Variants in CDH12 observed in about 807,000 individuals in gnomAD.
The protein encoded by CDH12 is cadherin 12.
In CDH12, 41 loss-of-function variants were observed where a neutral mutation model predicts 74.1. The observed-to-expected ratio is 0.55, with a 90% CI of 0.43 to 0.72. The LOEUF is 0.72. Ranked by LOEUF, CDH12 falls within the 30% of genes least tolerant of loss-of-function variation. The pLI, the probability that CDH12 is intolerant of heterozygous loss-of-function variation, is 0.00. For missense variants in CDH12, 945 were observed against 977.2 expected (o/e 0.97, Z 0.44); for synonymous variants, 399 against 355.0 (o/e 1.12, Z -1.39).
intron 3 of CDH12, among the ~76,000 whole-genome samples, chr5:22,260,658 G>A (rs1184311736): frequency 4.6e-5 from 7 of 151,918 alleles, no homozygotes; most frequent in Admixed American, 2.0e-4. Flanking sequence ...TTAAATTTTC[G>A]GAGATTAGAT....
intron 1 of CDH12, among the ~76,000 whole-genome samples, chr5:22,737,766 A>G (rs537146657): frequency 1.3e-5 from 2 of 152,192 alleles, no homozygotes; most frequent in African/African-American, 4.8e-5. Context: ...TTTTGGTGGG[A>G]AACAGACATA....
chr5:22,528,592 T>A (rs1351431614), intron 1 of CDH12, among the ~76,000 whole-genome samples: 1 of 152,166 alleles, frequency 6.6e-6, no homozygotes, highest in Non-Finnish European at 1.5e-5. Context: ...AGCTTTCAGA[T>A]CATTTATGTG....
rs117952261 is a variant in CDH12, at chr5:22,536,572, A to T, written c.-522-31208T>A. ...TGCTAATAAGTGCTAATGTATTGCA[A>T]CACCCAATATCATAAATAACTTTGG... On this transcript the variant is annotated intron_variant, in intron 1 of 14. Transcript: ENST00000382254. Among the ~76,000 whole-genome samples the T allele has an allele frequency of 3.3e-4, 51 of 152,294 alleles. No individual in the cohort carries two copies. The East Asian group carries it at 5.8e-3, about 17-fold the overall frequency.
At chr5:22,257,431 T>C (rs1368124292) in intron 3 of CDH12, among the ~76,000 whole-genome samples, 1 of 151,914 alleles carries the variant, frequency 6.6e-6, no homozygotes, top group Non-Finnish European at 1.5e-5. Flanking sequence ...GTACAATGTG[T>C]TTGTTTTTTT....
chr5:22,792,086 C>CT (rs757562010), intron 1 of CDH12, among the ~76,000 whole-genome samples: 1,314 of 125,378 alleles, frequency 0.01, 16 homozygotes, highest in African/African-American at 0.028. Flanking sequence ...TGAACTAGGG[C>CT]TTTTTTTTTT....
At chr5:22,317,199 T>A (rs553528278) in intron 3 of CDH12, among the ~76,000 whole-genome samples, 1 of 152,018 alleles carries the variant, frequency 6.6e-6, no homozygotes, top group East Asian at 1.9e-4. Flanking sequence ...GCGCCTGTAA[T>A]CCTAGCTACT....
chr5:22,038,808 G>A lies in CDH12; in HGVS notation c.231+39638C>T, dbSNP rs531748766. Among the ~76,000 whole-genome samples, 50 of 152,186 alleles carry A rather than the reference G, an allele frequency of 3.3e-4. No homozygotes were observed. In the East Asian group the frequency reaches 9.3e-3, roughly 28 times the overall value. On this transcript the variant is annotated intron_variant, in intron 5 of 14. Transcript: ENST00000382254. ...TGTGCCTCGACTGAGCTGAGGAGTTGCACCTCCCAGGATCAAGTTGATGTG... is the reference window on the plus strand; with the variant it reads ...TGTGCCTCGACTGAGCTGAGGAGTTACACCTCCCAGGATCAAGTTGATGTG...
chr5:22,715,503 A>T (rs1161408586), intron 1 of CDH12, among the ~76,000 whole-genome samples: 4 of 152,216 alleles, frequency 2.6e-5, no homozygotes, highest in African/African-American at 9.6e-5. Flanking sequence ...GGTGATGAGT[A>T]CCTGTCTCAG....
At chr5:22,794,579 G>A (rs1025060850) in intron 1 of CDH12, among the ~76,000 whole-genome samples, 16 of 152,140 alleles carry the variant, frequency 1.1e-4, no homozygotes, top group South Asian at 6.2e-4. Flanking sequence ...ATTTTATTTC[G>A]TTTTAAATGC....
intron 5 of CDH12, among the ~76,000 whole-genome samples, chr5:22,022,467 G>T (rs987152588): frequency 9.9e-5 from 15 of 152,204 alleles, no homozygotes; most frequent in African/African-American, 3.6e-4. Flanking sequence ...TTGTGGAACT[G>T]TGAGTCAATT....
intron 6 of CDH12, among the ~76,000 whole-genome samples, chr5:21,899,085 T>A (rs1753264699): frequency 6.6e-6 from 1 of 152,224 alleles, no homozygotes; most frequent in South Asian, 2.1e-4. Flanking sequence ...TGTTCCCTCC[T>A]ACCTTTTCTG....
chr5:21,879,450 T>C (rs183386618), intron 6 of CDH12, among the ~76,000 whole-genome samples: 1 of 151,326 alleles, frequency 6.6e-6, no homozygotes, highest in African/African-American at 2.5e-5. Context: ...TTGTTACTTA[T>C]GGCAGTGAAA....
intron 1 of CDH12, among the ~76,000 whole-genome samples, chr5:22,632,515 A>G (rs1738639793): frequency 6.6e-6 from 1 of 152,194 alleles, no homozygotes; most frequent in African/African-American, 2.4e-5. Flanking sequence ...GGAATTAAGA[A>G]GAATAATAAT....
At chr5:22,791,224 C>G (rs952597707) in intron 1 of CDH12, among the ~76,000 whole-genome samples, 2 of 152,000 alleles carry the variant, frequency 1.3e-5, no homozygotes, top group African/African-American at 4.8e-5. Flanking sequence ...ATCTTCTTGC[C>G]CACTAGTCTT....
intron 1 of CDH12, among the ~76,000 whole-genome samples, chr5:22,710,415 G>A (rs1320854860): frequency 1.3e-5 from 2 of 152,110 alleles, no homozygotes; most frequent in African/African-American, 2.4e-5. Context: ...AAAAGTACAC[G>A]GCAGCTGGTG....
chr5:22,492,796 G>T (rs1350656592), intron 2 of CDH12, among the ~76,000 whole-genome samples: 1 of 152,012 alleles, frequency 6.6e-6, no homozygotes, highest in Non-Finnish European at 1.5e-5. Context: ...ACACACCTGT[G>T]TGGGAATAAG....
intron 1 of CDH12, among the ~76,000 whole-genome samples, chr5:22,802,186 A>T (rs1748565707): frequency 6.9e-6 from 1 of 145,768 alleles, no homozygotes; most frequent in Non-Finnish European, 1.5e-5. Flanking sequence ...CAGTGGCACG[A>T]TCCAGGCTCA....
At chr5:22,308,682 C>G (rs186702800) in intron 3 of CDH12, among the ~76,000 whole-genome samples, 1 of 152,052 alleles carries the variant, frequency 6.6e-6, no homozygotes, top group Non-Finnish European at 1.5e-5. Context: ...ATTTGCAGAT[C>G]CTTAACTTGA....
At chr5:21,923,558 G>A (rs1754455029) in intron 6 of CDH12, among the ~76,000 whole-genome samples, 1 of 151,882 alleles carries the variant, frequency 6.6e-6, no homozygotes, top group Non-Finnish European at 1.5e-5. Flanking sequence ...AATACCTCAG[G>A]GTATCTGTTA....
Sources: allele counts gnomAD v4.1 joint callset (sites outside exome capture counted in the v4.1 genomes callset), GRCh38; gene constraint gnomAD v4.1.1; transcripts MANE v1.5; gene names NCBI Gene and HGNC (gene_info 2026-07-23, HGNC 2026-07-21).